Variants in DMD observed in about 807,000 individuals in gnomAD.
The protein encoded by DMD is dystrophin.
Under a neutral mutation model 330.1 loss-of-function variants are expected in DMD, and 63 were observed. The observed-to-expected ratio is 0.19, with a 90% confidence interval of 0.16 to 0.24. The LOEUF is 0.24. Among genes scored for constraint, DMD ranks in the 10% least tolerant of loss-of-function variants. The pLI is 1.00. For missense variants in DMD, 3,344 were observed against 2,684.1 expected (o/e 1.25, Z -5.43); for synonymous variants, 1,223 against 959.8 (o/e 1.27, Z -5.07).
At chrX:31,489,368 AG>A (rs2146978641) in intron 57 of DMD, among the ~76,000 whole-genome samples, 1 of 111,900 alleles carries the variant, frequency 8.9e-6, no homozygotes, top group African/African-American at 3.2e-5. Flanking sequence ...CTTGACGTCC[AG>A]GGATCTGCCT....
intron 52 of DMD, 94 bp downstream of exon 52, chrX:31,729,537 T>C: frequency 1.5e-6 from 1 of 657,048 alleles, no homozygotes. Flanking sequence ...TCACATTATT[T>C]TTATAAATGT....
At chrX:31,267,955 G>C (rs1603270134) in intron 62 of DMD, among the ~76,000 whole-genome samples, 1 of 112,009 alleles carries the variant, frequency 8.9e-6, no homozygotes, top group East Asian at 2.8e-4. Flanking sequence ...TTATTTTGTT[G>C]GCTTGCTTTT....
chrX:32,603,058 T>G (rs1343836515), intron 12 of DMD, among the ~76,000 whole-genome samples: 1 of 111,441 alleles, frequency 9.0e-6, no homozygotes, highest in Non-Finnish European at 1.9e-5. Context: ...CACCACAGAA[T>G]GTACATTATT....
In DMD at chrX:31,444,598, T is replaced by C. The variant is rs886044142; in HGVS notation, c.8967A>G (p.Lys2989=). ...KALRGEIAPL[K]ENVSHVNDLA... is the part of the protein sequence containing the mutation. The stretch of plus-strand genomic sequence containing the variant: ...GGTCATTGACGTGGCTCACGTTCTC[T>C]TTCAGAGGCGCAATTTCTCCTCGAA... The change falls in exon 60 of 79, where the codon AAA becomes AAG. Residue 2989 remains lysine (K), a synonymous_variant. Transcript: ENST00000357033. The C allele has an allele frequency of 1.1e-5, 13 of 1,209,910 alleles. No individual in the cohort carries two copies. Among genetic ancestry groups the C allele is most frequent in the African/African-American group, 1.7e-5 (1 of 57,153 alleles).
intron 47 of DMD, among the ~76,000 whole-genome samples, chrX:31,921,343 A>T (rs1406399336): frequency 8.9e-6 from 1 of 112,141 alleles, no homozygotes; most frequent in East Asian, 2.8e-4. Flanking sequence ...TTTTAGCTGA[A>T]ATGCTAGTTG....
At chrX:31,912,078 G>A (rs1444176670) in intron 47 of DMD, among the ~76,000 whole-genome samples, 1 of 111,483 alleles carries the variant, frequency 9.0e-6, no homozygotes, top group African/African-American at 3.3e-5. Flanking sequence ...TGGCTGGACT[G>A]AGAAGAAGCT....
rs1283901107 is a variant in DMD at position 33,066,374 on chromosome X, G to A, written c.32-46174C>T. Among the ~76,000 whole-genome samples the A allele has an allele frequency of 8.7e-5, 9 of 103,552 alleles. No individual in the cohort carries two copies. The Admixed American group carries it at 9.5e-4, about 11-fold the overall frequency. 89.9% of individuals were successfully genotyped at this position (103,552 alleles called of 115,157 possible). On this transcript the variant is annotated intron_variant, in intron 1 of 78. Transcript: ENST00000357033. ...TGAGGCATGAGAATCGCTTGAACCT[G>A]GGAGGCAGAGGTTGCAGTGAGACGA...
chrX:31,266,139 C>T, intron 62 of DMD, among the ~76,000 whole-genome samples: 1 of 79,926 alleles, frequency 1.3e-5, no homozygotes, highest in South Asian at 6.4e-4. Context: ...AGAAATGACT[C>T]CACACCCAAT....
At chrX:32,221,801 A>G (rs777492961) in intron 43 of DMD, among the ~76,000 whole-genome samples, 14 of 111,941 alleles carry the variant, frequency 1.3e-4, no homozygotes, top group Non-Finnish European at 2.4e-4. Flanking sequence ...AAGTGAGAAC[A>G]TACAGTATTT....
chrX:32,665,040 C>T (rs1180749906), intron 9 of DMD, among the ~76,000 whole-genome samples: 2 of 112,162 alleles, frequency 1.8e-5, no homozygotes. Context: ...AATCCTCCTA[C>T]ATTTACTTAA....
At chrX:31,414,323 T>C (rs1327716891) in intron 60 of DMD, among the ~76,000 whole-genome samples, 2 of 112,040 alleles carry the variant, frequency 1.8e-5, no homozygotes, top group Non-Finnish European at 3.8e-5. Context: ...CCCCCAGATT[T>C]ATAGTTTTTA....
rs774722438 is a variant in DMD, at chrX:31,444,532, C to T, written c.9033G>A (p.Pro3011=). 1.2e-4 allele frequency: 144 copies of T among 1,209,990 alleles called. No individual in the cohort carries two copies. The highest frequency in any genetic ancestry group is 1.8e-4 in the Admixed American group (8 of 45,709). ...QLTTLGIQLS[P]YNLSTLEDLN... is the part of the protein sequence containing the mutation. ...GGTCTTCCAGAGTGCTGAGGTTATA[C>T]GGTGAGAGCTGAATGCCCAAAGTGG... Residue 3011 remains proline, a synonymous_variant, in exon 60 of 79, where the codon CCG becomes CCA. Transcript: ENST00000357033.
chrX:31,961,588 G>C (rs1280698529), intron 45 of DMD, among the ~76,000 whole-genome samples: 1 of 110,847 alleles, frequency 9.0e-6, no homozygotes, highest in Non-Finnish European at 1.9e-5. Flanking sequence ...GTTATAAAAA[G>C]GGGCAAGAAA....
At chrX:32,069,297 CAAAAA>C (rs1211763701) in intron 44 of DMD, among the ~76,000 whole-genome samples, 1 of 110,387 alleles carries the variant, frequency 9.1e-6, no homozygotes, top group Non-Finnish European at 1.9e-5. Context: ...TGTATCAACA[CAAAAA>C]TAAAATAAAA....
intron 59 of DMD, among the ~76,000 whole-genome samples, chrX:31,453,998 TTA>T (rs2065970701): frequency 9.0e-6 from 1 of 111,377 alleles, no homozygotes; most frequent in Non-Finnish European, 1.9e-5. Flanking sequence ...AAAATTTTAA[TTA>T]TATGTGACAA....
chrX:32,356,173 G>A (rs935936670), intron 37 of DMD, among the ~76,000 whole-genome samples: 1 of 109,060 alleles, frequency 9.2e-6, no homozygotes, highest in Non-Finnish European at 1.9e-5. Flanking sequence ...GTTTAGGAGA[G>A]CCAAAATAAT....
rs2077787385 is a variant in DMD at position 32,816,646 on chromosome X, T to C, written c.358-6A>G. 1 of 1,209,300 alleles carries C rather than the reference T, an allele frequency of 8.3e-7. No individual in the cohort carries two copies. Among genetic ancestry groups the C allele is most frequent in the Non-Finnish European group, 1.1e-6 (1 of 893,213 alleles). On this transcript the variant is annotated splice_polypyrimidine_tract_variant and splice_region_variant and intron_variant, in intron 5 of 78. Coordinates refer to ENST00000357033, the MANE Select transcript of DMD (RefSeq NM_004006.3). Reference sequence around the variant, plus strand: ...TTTTTCATTACATTTTTGACCTACATGTGGAAATAAATTTTCATAAGAAAA... The same window carrying C: ...TTTTTCATTACATTTTTGACCTACACGTGGAAATAAATTTTCATAAGAAAA...
At chrX:32,485,734 C>CTTTTTTTT (rs5902034) in intron 20 of DMD, among the ~76,000 whole-genome samples, 2,952 of 36,082 alleles carry the variant, frequency 0.082, 880 homozygotes, top group Non-Finnish European at 0.11. Flanking sequence ...GCAACCACTG[C>CTTTTTTTT]TTTTTTTTTT....
intron 43 of DMD, among the ~76,000 whole-genome samples, chrX:32,244,721 G>T (rs1183998297): frequency 1.1e-5 from 1 of 92,947 alleles, no homozygotes; most frequent in Non-Finnish European, 2.1e-5. Context: ...GTGATGGTGA[G>T]GATTTTTTCA....
Sources: allele counts gnomAD v4.1 joint callset (sites outside exome capture counted in the v4.1 genomes callset), GRCh38; gene constraint gnomAD v4.1.1; transcripts MANE v1.5; gene names NCBI Gene and HGNC (gene_info 2026-07-23, HGNC 2026-07-21).